The following AGTPBP1 variants were observed in gnomAD, a reference collection of about 807,000 sequenced individuals.
The protein encoded by AGTPBP1 is cytosolic carboxypeptidase 1.
A neutral mutation model predicts 143.9 loss-of-function variants in AGTPBP1; 70 were observed. The observed-to-expected ratio is 0.49, with a 90% CI of 0.40 to 0.59. The LOEUF (loss-of-function observed/expected upper bound fraction) is 0.59, where lower values mean the gene tolerates loss of function less well. Among genes scored for constraint, AGTPBP1 ranks in the 20% least tolerant of loss-of-function variants. AGTPBP1 has a pLI of 0.00. For missense variants in AGTPBP1, 1,229 were observed against 1,464.5 expected, an observed-to-expected ratio of 0.84 and a Z score of 2.62; for synonymous variants, 463 against 500.2, an observed-to-expected ratio of 0.93 and a Z score of 0.99.
rs116010287 is a variant in AGTPBP1, at chr9:85,585,724, T to C, written c.3034-130A>G. The C allele has an allele frequency of 1.1e-3, 743 of 681,818 alleles. 4 individuals carry two copies. The African/African-American group carries it at 0.011, about 10-fold the overall frequency. The allele number at this position is 681,818 out of a possible 1,614,324, so 42.2% of individuals were successfully genotyped here. ...TCTTTTTATTGTAAAAGAACCACCA[T>C]TTAACAATTAGAACCAACAAAAGTA... On this transcript the variant is annotated intron_variant, in intron 22 of 25. Coordinates refer to ENST00000357081, the MANE Select transcript of AGTPBP1 (RefSeq NM_001330701.2).
At chr9:85,796,509 A>G in the AGTPBP1 span, among the ~76,000 whole-genome samples, 2 of 152,034 alleles carry the variant, frequency 1.3e-5, no homozygotes, top group East Asian at 3.8e-4. Flanking sequence ...AACCAGACAC[A>G]TGCCAGGTTT....
chr9:85,691,240 A>G (rs1260664054), intron 3 of AGTPBP1, among the ~76,000 whole-genome samples: 1 of 152,152 alleles, frequency 6.6e-6, no homozygotes, highest in Non-Finnish European at 1.5e-5. Context: ...ATTATGCAAG[A>G]AACAATGGGG....
At chr9:85,634,303 G>A (rs952791940) in intron 13 of AGTPBP1, among the ~76,000 whole-genome samples, 1 of 151,926 alleles carries the variant, frequency 6.6e-6, no homozygotes, top group Non-Finnish European at 1.5e-5. Context: ...ATTTGTTAAG[G>A]AGCCTCATGA....
In AGTPBP1 at chr9:85,585,458, A is replaced by G; in HGVS notation, c.3165+5T>C. ...AAAAACTTATGAATCATCTGTAATA[A>G]TTACCCTGTATCCCGTATCCTCCAC... is the stretch of plus-strand genomic sequence containing the variant. On this transcript the variant is annotated splice_donor_5th_base_variant and intron_variant, in intron 23 of 25. Transcript: ENST00000357081. 6.3e-7 allele frequency: 1 copy of G among 1,583,436 alleles called. No individual in the cohort carries two copies. Among genetic ancestry groups the G allele is most frequent in the Non-Finnish European group, 8.6e-7 (1 of 1,167,666 alleles).
At chr9:85,647,052 C>T (rs1832856764) in intron 11 of AGTPBP1, among the ~76,000 whole-genome samples, 1 of 152,136 alleles carries the variant, frequency 6.6e-6, no homozygotes, top group African/African-American at 2.4e-5. Flanking sequence ...CCAAGGCAGG[C>T]AGATCAGCTG....
chr9:85,721,593 C>T (rs758558849), intron 1 of AGTPBP1, among the ~76,000 whole-genome samples: 12 of 151,010 alleles, frequency 7.9e-5, no homozygotes, highest in Non-Finnish European at 1.6e-4. Context: ...CTCCTGAATA[C>T]AGCACACAAA....
the AGTPBP1 span, among the ~76,000 whole-genome samples, chr9:85,795,809 T>C: frequency 1.3e-5 from 2 of 151,662 alleles, no homozygotes; most frequent in African/African-American, 2.4e-5. Flanking sequence ...TTTTTATGGC[T>C]GTGACTATTT....
chr9:85,594,045 A>C (rs1429451777), intron 18 of AGTPBP1, among the ~76,000 whole-genome samples: 2 of 152,180 alleles, frequency 1.3e-5, no homozygotes, highest in Admixed American at 6.5e-5. Context: ...ACCCAATGAC[A>C]GAGTGCTAAG....
chr9:85,638,201 G>A (rs1057201820), intron 13 of AGTPBP1, among the ~76,000 whole-genome samples: 5 of 152,004 alleles, frequency 3.3e-5, no homozygotes, highest in African/African-American at 7.2e-5. Flanking sequence ...TATGGCTGAG[G>A]GAAAGAGGAA....
chr9:85,549,848 C>T (rs1825933477), intron 25 of AGTPBP1, among the ~76,000 whole-genome samples: 1 of 152,192 alleles, frequency 6.6e-6, no homozygotes, highest in Admixed American at 6.5e-5. Context: ...GATCTTGGCT[C>T]ATTTATCATG....
chr9:85,587,142 TTGAG>T (rs1273365971), intron 21 of AGTPBP1, among the ~76,000 whole-genome samples, 182 bp from the exon 22 acceptor site: 1 of 152,236 alleles, frequency 6.6e-6, no homozygotes, highest in Non-Finnish European at 1.5e-5. Context: ...TAAACATTTA[TTGAG>T]TATTTGCTAT....
At chr9:85,596,025 C>G (rs1214591999) in intron 18 of AGTPBP1, among the ~76,000 whole-genome samples, 1 of 152,070 alleles carries the variant, frequency 6.6e-6, no homozygotes. Context: ...AATAAAAAGC[C>G]ACTGCAAATT....
intron 17 of AGTPBP1, among the ~76,000 whole-genome samples, chr9:85,618,130 G>T (rs1165574516): frequency 1.3e-5 from 2 of 151,650 alleles, no homozygotes; most frequent in East Asian, 1.9e-4. Flanking sequence ...GTGCTTGGGG[G>T]TCTGATGCAG....
intron 25 of AGTPBP1, among the ~76,000 whole-genome samples, chr9:85,570,402 A>T (rs1827384767): frequency 6.6e-6 from 1 of 152,202 alleles, no homozygotes; most frequent in African/African-American, 2.4e-5. Flanking sequence ...TGTTTCCTTC[A>T]CGTTCAGCTG....
At chr9:85,745,990 T>C (rs1052162387), upstream of AGTPBP1, among the ~76,000 whole-genome samples, 1 of 152,224 alleles carries the variant, frequency 6.6e-6, no homozygotes, top group African/African-American at 2.4e-5. Flanking sequence ...ATGTTCAGGA[T>C]GGCAGCTCCA....
intron 4 of AGTPBP1, 34 bp from the exon 5 acceptor site, chr9:85,678,432 T>C (rs1321501617): frequency 1.4e-6 from 2 of 1,424,760 alleles, no homozygotes; most frequent in East Asian, 4.9e-5. Context: ...TAAAACATTG[T>C]AAACTTTTGA....
At chr9:85,599,005 A>T (rs1381119288) in intron 17 of AGTPBP1, among the ~76,000 whole-genome samples, 4 of 152,158 alleles carry the variant, frequency 2.6e-5, no homozygotes, top group Non-Finnish European at 5.9e-5. Context: ...TACAGGCGTG[A>T]GCCACCGTAC....
At chr9:85,718,378 G>GT (rs1231186666) in intron 1 of AGTPBP1, among the ~76,000 whole-genome samples, 1 of 152,138 alleles carries the variant, frequency 6.6e-6, no homozygotes, top group African/African-American at 2.4e-5. Context: ...GTATGAGATG[G>GT]TATCTCATTG....
chr9:85,611,761 A>G (rs1307688651), intron 17 of AGTPBP1, among the ~76,000 whole-genome samples: 2 of 151,978 alleles, frequency 1.3e-5, no homozygotes, highest in African/African-American at 4.8e-5. Context: ...GCTCACTGCA[A>G]CCTCCACCTC....
Sources: gnomAD v4.1 joint callset for allele counts (sites outside exome capture counted in the v4.1 genomes callset) on GRCh38, gnomAD v4.1.1 for gene constraint, MANE v1.5 for transcripts, NCBI Gene and HGNC (gene_info 2026-07-23, HGNC 2026-07-21) for gene names.